INPP4B: variants seen among roughly 807,000 people sequenced by gnomAD.
INPP4B encodes the protein inositol polyphosphate 4-phosphatase type II.
A neutral mutation model predicts 122.5 loss-of-function variants in INPP4B; 55 were observed. The ratio of observed to expected loss-of-function variants is 0.45; its 90% CI spans 0.36 to 0.56. The LOEUF (loss-of-function observed/expected upper bound fraction) is 0.56. INPP4B is among the 20% of genes least tolerant of loss of function. The probability of loss-of-function intolerance (pLI) is 0.00; values close to 1 mark genes in which losing one functional copy is unlikely to be tolerated. For missense variants in INPP4B, 1,000 were observed against 1,097.7 expected (o/e 0.91, Z 1.26); for synonymous variants, 403 against 388.7 (o/e 1.04, Z -0.43).
chr4:142,738,066 C>G (rs888382581), intron 1 of INPP4B, among the ~76,000 whole-genome samples: 1 of 152,120 alleles, frequency 6.6e-6, no homozygotes, highest in Non-Finnish European at 1.5e-5. Context: ...CCTCAGGGAT[C>G]TAGAACTAGA....
chr4:142,799,555 A>T (rs1166756521), intron 1 of INPP4B, among the ~76,000 whole-genome samples: 2 of 151,988 alleles, frequency 1.3e-5, no homozygotes, highest in African/African-American at 4.8e-5. Flanking sequence ...ATTTTAAGTA[A>T]ATCTTGAAGG....
At chr4:142,201,527 T>G (rs2149449387) in intron 14 of INPP4B, among the ~76,000 whole-genome samples, 1 of 152,164 alleles carries the variant, frequency 6.6e-6, no homozygotes, top group South Asian at 2.1e-4. Context: ...TTGTAACTAC[T>G]ACAAAATAGA....
intron 2 of INPP4B, among the ~76,000 whole-genome samples, chr4:142,487,036 T>G (rs956207030): frequency 1.3e-5 from 2 of 152,172 alleles, no homozygotes; most frequent in Non-Finnish European, 2.9e-5. Flanking sequence ...AGGGACCCGG[T>G]GAAAGAAGAT....
chr4:142,783,165 G>C (rs1183856487), intron 1 of INPP4B, among the ~76,000 whole-genome samples: 2 of 152,056 alleles, frequency 1.3e-5, no homozygotes, highest in African/African-American at 4.8e-5. Flanking sequence ...TGGACAAATG[G>C]GATCTAATTA....
chr4:142,068,529 A>C (rs1188769627), intron 25 of INPP4B, among the ~76,000 whole-genome samples: 1 of 152,240 alleles, frequency 6.6e-6, no homozygotes, highest in Non-Finnish European at 1.5e-5. Flanking sequence ...TAAAAGACAC[A>C]GACTGGCAAA....
chr4:142,534,662 T>G (rs923133869), intron 2 of INPP4B, among the ~76,000 whole-genome samples: 7 of 150,336 alleles, frequency 4.7e-5, no homozygotes, highest in African/African-American at 1.7e-4. Flanking sequence ...TAGGATATAT[T>G]ATTAATAAAT....
At chr4:142,723,874 C>A (rs568898934) in intron 2 of INPP4B, among the ~76,000 whole-genome samples, 6 of 152,148 alleles carry the variant, frequency 3.9e-5, no homozygotes, top group East Asian at 1.9e-4. Flanking sequence ...ATTGCAAACA[C>A]CCCCAGTTCA....
intron 1 of INPP4B, among the ~76,000 whole-genome samples, chr4:142,806,786 G>GAAGGAAGGAAAGAAAAA: frequency 1.3e-5 from 1 of 75,994 alleles, no homozygotes; most frequent in South Asian, 5.5e-4. Flanking sequence ...AAAGAAAGAA[G>GAAGGAAGGAAAGAAAAA]GAAAGAAAGA....
At chr4:142,501,244 C>T (rs952816242) in intron 2 of INPP4B, among the ~76,000 whole-genome samples, 22 of 152,128 alleles carry the variant, frequency 1.4e-4, no homozygotes, top group Admixed American at 5.2e-4. Flanking sequence ...CGGAAGCCAG[C>T]GCCCTTAACC....
At chr4:142,510,550 T>A (rs1211130392) in intron 2 of INPP4B, among the ~76,000 whole-genome samples, 1 of 152,214 alleles carries the variant, frequency 6.6e-6, no homozygotes. Context: ...TGTATCAGGA[T>A]AAGCTGGCTC....
intron 7 of INPP4B, among the ~76,000 whole-genome samples, chr4:142,341,153 C>G (rs1778574428): frequency 6.6e-6 from 1 of 152,166 alleles, no homozygotes; most frequent in African/African-American, 2.4e-5. Context: ...TCTCCTTTGA[C>G]TTCACTGAAC....
intron 16 of INPP4B, among the ~76,000 whole-genome samples, chr4:142,162,574 A>G (rs1180438556): frequency 1.3e-5 from 2 of 151,870 alleles, no homozygotes; most frequent in Non-Finnish European, 2.9e-5. Flanking sequence ...CTGCTACTAC[A>G]TTTCAAGTCT....
chr4:142,040,658 G>A (rs1746869248), intron 25 of INPP4B, among the ~76,000 whole-genome samples: 2 of 152,108 alleles, frequency 1.3e-5, no homozygotes, highest in African/African-American at 4.8e-5. Flanking sequence ...TCTAGAACTC[G>A]TTTTCTGGTT....
Position 142,222,711 on chromosome 4 carries a change from A to G in INPP4B, c.837-13685T>C, listed in dbSNP as rs1450245446. On this transcript the variant is annotated intron_variant, in intron 12 of 25. Coordinates refer to ENST00000262992, the MANE Select transcript of INPP4B (RefSeq NM_001101669.3). ...ATTCCGAAATCAGTGTCTCAGCTCC[A>G]AACACACCAGCTTTCTGGACAGATG... Among the ~76,000 whole-genome samples the G allele has an allele frequency of 3.9e-5, 6 of 152,190 alleles. No individual in the cohort carries two copies. In the East Asian group the frequency reaches 1.2e-3, roughly 29 times the overall value.
At chr4:142,270,898 T>A in intron 9 of INPP4B, 124 bp from the exon 10 acceptor site, 1 of 666,620 alleles carries the variant, frequency 1.5e-6, no homozygotes, top group Non-Finnish European at 2.7e-6. Flanking sequence ...AACATCTGCA[T>A]AAAACACAGC....
chr4:142,751,362 T>C (rs1769689815), intron 1 of INPP4B, among the ~76,000 whole-genome samples: 1 of 151,032 alleles, frequency 6.6e-6, no homozygotes, highest in Non-Finnish European at 1.5e-5. Context: ...AGGAGACAGA[T>C]GCTGATTAGC....
chr4:142,734,385 C>CA (rs1290973098), intron 1 of INPP4B, among the ~76,000 whole-genome samples: 4 of 152,126 alleles, frequency 2.6e-5, no homozygotes, highest in African/African-American at 9.7e-5. Flanking sequence ...AACTAATACA[C>CA]ATTTATATAA....
intron 2 of INPP4B, among the ~76,000 whole-genome samples, chr4:142,475,785 AAAAC>A (rs1029334788): frequency 4.6e-5 from 7 of 152,178 alleles, no homozygotes; most frequent in African/African-American, 9.7e-5. Context: ...ACTCAGACAA[AAAAC>A]AAACAAACAA....
At chr4:142,831,791 A>T (rs1782168164) in intron 1 of INPP4B, among the ~76,000 whole-genome samples, 1 of 152,258 alleles carries the variant, frequency 6.6e-6, no homozygotes, top group Non-Finnish European at 1.5e-5. Flanking sequence ...ATTAAGAGAT[A>T]GAAGATGCTT....
Sources: allele counts gnomAD v4.1 joint callset (sites outside exome capture counted in the v4.1 genomes callset), GRCh38; gene constraint gnomAD v4.1.1; transcripts MANE v1.5; gene names NCBI Gene and HGNC (gene_info 2026-07-23, HGNC 2026-07-21).